The following CCDC7 variants were observed in gnomAD, a reference collection of about 807,000 sequenced individuals.
CCDC7 encodes the protein coiled-coil domain containing 7.
Under a neutral mutation model 196.9 loss-of-function variants are expected in CCDC7, and 183 were observed. The observed-to-expected ratio is 0.93, with a 90% CI of 0.82 to 1.05. The LOEUF is 1.05. Ranked by LOEUF, CCDC7 falls within the 50% of genes least tolerant of loss-of-function variation. The pLI, the probability that CCDC7 is intolerant of heterozygous loss-of-function variation, is 0.00. For missense variants in CCDC7, 1,540 were observed against 1,482.2 expected, an observed-to-expected ratio of 1.04 and a Z score of -0.64; for synonymous variants, 525 against 484.6, an observed-to-expected ratio of 1.08 and a Z score of -1.10.
At position 32,570,468 on chromosome 10, in the gene CCDC7, A is replaced by G. The variant is rs575192036; in HGVS notation, c.1420-1391A>G. 2.0e-5 allele frequency among the ~76,000 whole-genome samples: 3 copies of G among 152,330 alleles called. No individual in the cohort carries two copies. In the South Asian group the frequency reaches 6.2e-4, roughly 32 times the overall value. ...GTGACTATTATGACATATAGACACAAAATGTATGATGGCTCAAACACAATG... is the reference window on the plus strand; with the variant it reads ...GTGACTATTATGACATATAGACACAGAATGTATGATGGCTCAAACACAATG... On this transcript the variant is annotated intron_variant, in intron 15 of 41. Coordinates refer to ENST00000639629, the Ensembl canonical transcript of CCDC7.
chr10:32,689,473 C>G (rs1449807969), intron 23 of CCDC7, among the ~76,000 whole-genome samples: 1 of 150,296 alleles, frequency 6.7e-6, no homozygotes, highest in African/African-American at 2.5e-5. Flanking sequence ...GGGCACCTCT[C>G]ACCTGTGGCC....
chr10:32,703,504 G>A (rs1405265401), intron 24 of CCDC7, among the ~76,000 whole-genome samples: 1 of 151,830 alleles, frequency 6.6e-6, no homozygotes, highest in East Asian at 1.9e-4. Context: ...TGGAGTTGCT[G>A]TTCTCGAGGA....
At chr10:32,483,924 T>C (rs965995738) in intron 8 of CCDC7, among the ~76,000 whole-genome samples, 1 of 152,212 alleles carries the variant, frequency 6.6e-6, no homozygotes, top group Non-Finnish European at 1.5e-5. Context: ...GGAAGTCAGG[T>C]AGCGTGATGC....
At chr10:32,550,320 T>G (rs1408969051) in intron 13 of CCDC7, among the ~76,000 whole-genome samples, 1 of 152,066 alleles carries the variant, frequency 6.6e-6, no homozygotes. Flanking sequence ...GGAGGTGTCT[T>G]TAGGGTTTTC....
chr10:32,635,225 C>A, intron 20 of CCDC7, 67 bp downstream of exon 21: 1 of 393,162 alleles, frequency 2.5e-6, no homozygotes, highest in South Asian at 1.4e-4. Context: ...TTTTATGGTT[C>A]ATGAATATAT....
At chr10:32,496,860 G>A (rs1282016124) in intron 9 of CCDC7, among the ~76,000 whole-genome samples, 1 of 151,940 alleles carries the variant, frequency 6.6e-6, no homozygotes, top group Non-Finnish European at 1.5e-5. Context: ...TTCTTTTTTT[G>A]TTGTGTCTCT....
At chr10:32,690,138 G>A (rs2076920974) in intron 23 of CCDC7, among the ~76,000 whole-genome samples, 1 of 152,136 alleles carries the variant, frequency 6.6e-6, no homozygotes, top group Non-Finnish European at 1.5e-5. Flanking sequence ...TTTTATCCAG[G>A]TACTAAGTAA....
chr10:32,523,734 T>G (rs2048233355), intron 11 of CCDC7, among the ~76,000 whole-genome samples: 1 of 152,152 alleles, frequency 6.6e-6, no homozygotes, highest in East Asian at 1.9e-4. Flanking sequence ...TAATGACCTT[T>G]TTTGTCTCTT....
intron 28 of CCDC7, among the ~76,000 whole-genome samples, chr10:32,732,200 G>GA (rs1246393183): frequency 6.6e-5 from 10 of 152,052 alleles, no homozygotes; most frequent in African/African-American, 2.4e-4. Context: ...AATAGCAGAT[G>GA]AAAATCTTTC....
intron 28 of CCDC7, among the ~76,000 whole-genome samples, chr10:32,768,559 T>G (rs781082840): frequency 3.9e-5 from 6 of 152,172 alleles, no homozygotes; most frequent in Non-Finnish European, 7.4e-5. Flanking sequence ...CAGTATTACG[T>G]TGAATAGGAG....
At chr10:32,536,090 A>G (rs1384282549) in intron 11 of CCDC7, among the ~76,000 whole-genome samples, 2 of 152,180 alleles carry the variant, frequency 1.3e-5, no homozygotes, top group African/African-American at 4.8e-5. Context: ...CCAGGTTGCT[A>G]GTTTACTCTA....
chr10:32,841,754 T>TAG (rs1178543996), intron 33 of CCDC7, among the ~76,000 whole-genome samples: 2 of 151,902 alleles, frequency 1.3e-5, no homozygotes, highest in South Asian at 4.2e-4. Context: ...GGTATAAAAA[T>TAG]ACACACATAG....
intron 18 of CCDC7, among the ~76,000 whole-genome samples, chr10:32,599,601 G>T (rs1304049573): frequency 6.6e-6 from 1 of 151,322 alleles, no homozygotes; most frequent in East Asian, 1.9e-4. Context: ...ATTTTTTGTG[G>T]TTAATATGGG....
At chr10:32,768,573 T>C (rs1304101509) in intron 28 of CCDC7, among the ~76,000 whole-genome samples, 1 of 152,140 alleles carries the variant, frequency 6.6e-6, no homozygotes, top group Non-Finnish European at 1.5e-5. Context: ...ATAGGAGTGG[T>C]GAAAGTGGGC....
chr10:32,627,791 GTCTGTTAA>G (rs1311104230), intron 18 of CCDC7, among the ~76,000 whole-genome samples: 2 of 151,522 alleles, frequency 1.3e-5, no homozygotes, highest in African/African-American at 4.8e-5. Flanking sequence ...TTGTCCTTTA[GTCTGTTAA>G]TATGATATAT....
At chr10:32,713,265 T>G (rs1165227044) in intron 25 of CCDC7, among the ~76,000 whole-genome samples, 1 of 152,238 alleles carries the variant, frequency 6.6e-6, no homozygotes, top group Non-Finnish European at 1.5e-5. Context: ...AATTATTTGT[T>G]TCCTCCTCGT....
intron 18 of CCDC7, among the ~76,000 whole-genome samples, chr10:32,586,046 G>A (rs1420140760): frequency 1.3e-5 from 2 of 152,120 alleles, no homozygotes; most frequent in Non-Finnish European, 1.5e-5. Flanking sequence ...GCCGCTTCCT[G>A]ACTTTTTAAT....
At chr10:32,454,351 G>T (rs867740464) in intron 2 of CCDC7, among the ~76,000 whole-genome samples, 42 of 152,074 alleles carry the variant, frequency 2.8e-4, no homozygotes, top group Admixed American at 3.3e-4. Context: ...TTGAAGCCCT[G>T]CCAGGAATGA....
At chr10:32,854,949 G>A (rs1178992946) in intron 41 of CCDC7, among the ~76,000 whole-genome samples, 1 of 152,142 alleles carries the variant, frequency 6.6e-6, no homozygotes, top group Admixed American at 6.5e-5. Context: ...TGAGGTTGGT[G>A]CATTAAAGGT....
Sources: gnomAD v4.1 joint callset for allele counts (sites outside exome capture counted in the v4.1 genomes callset) on GRCh38, gnomAD v4.1.1 for gene constraint, MANE v1.5 for transcripts, NCBI Gene and HGNC (gene_info 2026-07-23, HGNC 2026-07-21) for gene names.